The following STX8 variants were observed in gnomAD, a reference collection of about 807,000 sequenced individuals.
STX8 encodes the protein syntaxin 8.
In STX8, 23 loss-of-function variants were observed where a neutral mutation model predicts 37.5. The observed-to-expected ratio is 0.61, with a 90% CI of 0.44 to 0.87. The LOEUF (loss-of-function observed/expected upper bound fraction) is 0.87. Ranked by LOEUF, STX8 falls within the 40% of genes least tolerant of loss-of-function variation. The pLI is 0.00. For missense variants in STX8, 313 were observed against 284.7 expected (o/e 1.10, Z -0.71); for synonymous variants, 115 against 99.1 (o/e 1.16, Z -0.95).
intron 4 of STX8, among the ~76,000 whole-genome samples, chr17:9,541,441 G>C (rs955140246): frequency 6.6e-6 from 1 of 152,174 alleles, no homozygotes; most frequent in Non-Finnish European, 1.5e-5. Flanking sequence ...CCTCCTAGCC[G>C]GATGGAGACA....
chr17:9,478,673 T>C (rs1906194606), intron 6 of STX8, among the ~76,000 whole-genome samples: 1 of 152,220 alleles, frequency 6.6e-6, no homozygotes, highest in Non-Finnish European at 1.5e-5. Context: ...TCCTGTCTCA[T>C]GACCCCTCCA....
At chr17:9,494,260 C>T (rs1332955223) in intron 5 of STX8, among the ~76,000 whole-genome samples, 1 of 151,766 alleles carries the variant, frequency 6.6e-6, no homozygotes, top group African/African-American at 2.4e-5. Flanking sequence ...CGTGATCCGC[C>T]CGCCTCGGCC....
chr17:9,502,187 T>G (rs1210694385), intron 5 of STX8, among the ~76,000 whole-genome samples: 1 of 152,194 alleles, frequency 6.6e-6, no homozygotes, highest in Admixed American at 6.5e-5. Context: ...ATCCCACTGC[T>G]GGGATTTGTA....
chr17:9,513,430 C>T (rs546016571), intron 4 of STX8, among the ~76,000 whole-genome samples: 1 of 151,870 alleles, frequency 6.6e-6, no homozygotes, highest in African/African-American at 2.4e-5. Context: ...ACAAATTGCT[C>T]AGCATTACTA....
intron 7 of STX8, among the ~76,000 whole-genome samples, chr17:9,298,854 T>C (rs908576042): frequency 5.3e-5 from 8 of 151,850 alleles, no homozygotes; most frequent in Non-Finnish European, 1.0e-4. Context: ...AAACCAAACC[T>C]GAGTAGCATC....
chr17:9,291,929 G>T (rs547848168), intron 7 of STX8, among the ~76,000 whole-genome samples: 23 of 152,328 alleles, frequency 1.5e-4, no homozygotes, highest in African/African-American at 5.5e-4. Flanking sequence ...TTATGCTTTT[G>T]TGTATATTTT....
intron 7 of STX8, among the ~76,000 whole-genome samples, chr17:9,277,023 C>T (rs903037136): frequency 1.8e-4 from 28 of 152,018 alleles, no homozygotes; most frequent in African/African-American, 3.9e-4. Flanking sequence ...CATTAACACA[C>T]GACAACCTTG....
intron 7 of STX8, among the ~76,000 whole-genome samples, chr17:9,319,873 C>T (rs1229733516): frequency 1.3e-5 from 2 of 151,908 alleles, no homozygotes; most frequent in Non-Finnish European, 2.9e-5. Context: ...ATCACTTGAA[C>T]CCAGGGGGCA....
chr17:9,552,210 C>A (rs1370816997), intron 3 of STX8, among the ~76,000 whole-genome samples: 1 of 152,054 alleles, frequency 6.6e-6, no homozygotes, highest in African/African-American at 2.4e-5. Flanking sequence ...GGCATGGTGG[C>A]ATACACCTGG....
intron 5 of STX8, among the ~76,000 whole-genome samples, chr17:9,500,460 TTCC>T (rs1312186711): frequency 7.2e-5 from 11 of 152,088 alleles, no homozygotes; most frequent in African/African-American, 2.7e-4. Flanking sequence ...ACCCAGCATT[TTCC>T]TCGAGTTGAG....
chr17:9,423,980 CAA>C (rs1243718125), intron 6 of STX8, among the ~76,000 whole-genome samples: 1 of 152,184 alleles, frequency 6.6e-6, no homozygotes, highest in East Asian at 1.9e-4. Context: ...CTTCGGCACA[CAA>C]GTCAGCCATG....
intron 6 of STX8, among the ~76,000 whole-genome samples, chr17:9,463,529 C>G (rs1174224811): frequency 3.3e-5 from 5 of 152,166 alleles, no homozygotes; most frequent in Non-Finnish European, 7.4e-5. Flanking sequence ...CTTTGGGAGG[C>G]TGAGGCAGGT....
chr17:9,564,399 G>A (rs1394918875), intron 2 of STX8, among the ~76,000 whole-genome samples: 1 of 152,050 alleles, frequency 6.6e-6, no homozygotes, highest in Non-Finnish European at 1.5e-5. Context: ...CATCCAAATA[G>A]GAAGAGAGGA....
At chr17:9,395,968 G>A (rs975400879) in intron 6 of STX8, among the ~76,000 whole-genome samples, 4 of 152,090 alleles carry the variant, frequency 2.6e-5, no homozygotes, top group South Asian at 2.1e-4. Flanking sequence ...TTACTTAGGC[G>A]TTAAACAACC....
rs60041570 is a variant in STX8 at position 9,504,973 on chromosome 17, CA to C, written c.448+64del. 654 of 710,274 alleles carry C rather than the reference CA, an allele frequency of 9.2e-4. 2 individuals are homozygous for C. The African/African-American group carries it at 0.014, about 15-fold the overall frequency. 44.0% of individuals were successfully genotyped at this position (710,274 alleles called of 1,614,324 possible). A position where few individuals can be genotyped will look rare whatever the true frequency, so the allele number is the denominator to read the frequency against. ...TAGGCGACATAGCAAGACTCCGTCT[CA>C]AAAAAAAAAAAAAAAAAATTCTGGC... On this transcript the variant is annotated intron_variant, in intron 5 of 7. Coordinates refer to ENST00000306357, the MANE Select transcript of STX8 (RefSeq NM_004853.3).
intron 3 of STX8, among the ~76,000 whole-genome samples, chr17:9,546,715 A>G (rs1487821702): frequency 1.4e-5 from 2 of 144,622 alleles, no homozygotes; most frequent in Non-Finnish European, 3.0e-5. Context: ...CTCCTGCCTC[A>G]GCCTCCTGAG....
chr17:9,258,855 G>A (rs188338551), intron 7 of STX8, among the ~76,000 whole-genome samples: 90 of 152,206 alleles, frequency 5.9e-4, no homozygotes, highest in Admixed American at 2.9e-3. Flanking sequence ...TTTTCCACCC[G>A]CCCCAGGGCA....
At chr17:9,558,238 A>G (rs1397048477) in intron 2 of STX8, among the ~76,000 whole-genome samples, 1 of 152,204 alleles carries the variant, frequency 6.6e-6, no homozygotes, top group Non-Finnish European at 1.5e-5. Context: ...AACATATTCA[A>G]CCACGGATGA....
chr17:9,282,341 C>T (rs1253383918), intron 7 of STX8, among the ~76,000 whole-genome samples: 12 of 152,174 alleles, frequency 7.9e-5, no homozygotes, highest in Admixed American at 7.9e-4. Flanking sequence ...ACCGTGTTAG[C>T]CAGGCTGGTC....
Sources: gnomAD v4.1 joint callset for allele counts (sites outside exome capture counted in the v4.1 genomes callset) on GRCh38, gnomAD v4.1.1 for gene constraint, MANE v1.5 for transcripts, NCBI Gene and HGNC (gene_info 2026-07-23, HGNC 2026-07-21) for gene names.